The following IQCJ variants were observed in gnomAD, a reference collection of about 807,000 sequenced individuals.
IQCJ encodes IQ motif containing J.
IQCJ carries 9 observed loss-of-function variants against 11.0 expected under a neutral mutation model. The observed-to-expected ratio is 0.82, with a 90% confidence interval of 0.49 to 1.43. IQCJ has a LOEUF of 1.43. IQCJ is among the 40% of genes most tolerant of loss of function. IQCJ has a pLI of 0.00. For synonymous variants in IQCJ, 55 were observed against 51.3 expected (o/e 1.07, Z -0.31); for missense variants, 146 against 133.2 (o/e 1.10, Z -0.47).
At chr3:159,141,376 C>A (rs554149788) in intron 1 of IQCJ, among the ~76,000 whole-genome samples, 15 of 152,148 alleles carry the variant, frequency 9.9e-5, no homozygotes, top group African/African-American at 3.1e-4. Flanking sequence ...ACCCAGTAGG[C>A]TGTATTAAGG....
intron 1 of IQCJ, among the ~76,000 whole-genome samples, chr3:159,223,992 T>G (rs1725696783): frequency 6.6e-6 from 1 of 152,042 alleles, no homozygotes; most frequent in Admixed American, 6.6e-5. Flanking sequence ...GTCCCAAGCA[T>G]TTCAGATAAT....
rs1728337139 is a variant in IQCJ, at chr3:159,263,537, C to A, written c.*806C>A. ...ATTTAAGCATTGTGATAATTTGTAA[C>A]CAGTCACTGAAATGCTGAAAAGTTA... On this transcript the variant is annotated 3_prime_UTR_variant, in exon 4 of 4. Transcript: ENST00000397832. 1.0e-6 allele frequency: 1 copy of A among 984,972 alleles called. No homozygotes were observed. Among genetic ancestry groups the A allele is most frequent in the East Asian group, 1.1e-4 (1 of 8,812 alleles). 61.0% of individuals were successfully genotyped at this position (984,972 alleles called of 1,614,324 possible). A position where few individuals can be genotyped will look rare whatever the true frequency, so the allele number is the denominator to read the frequency against.
intron 1 of IQCJ, among the ~76,000 whole-genome samples, chr3:159,188,267 G>A (rs946141081): frequency 7.9e-5 from 12 of 151,950 alleles, no homozygotes; most frequent in Admixed American, 6.6e-5. Flanking sequence ...AAAATTAGCC[G>A]GGTGTGGTGG....
At position 159,089,270 on chromosome 3, in the gene IQCJ, C is replaced by T. The variant is rs546097589; in HGVS notation, c.9+19829C>T. Among the ~76,000 whole-genome samples the T allele has an allele frequency of 5.3e-5, 8 of 152,260 alleles. No individual in the cohort carries two copies. The South Asian group carries it at 6.2e-4, about 12-fold the overall frequency. ...GCCCCCACTCTCTTCTGGCTTGTAG[C>T]GTTTCTGCCGAAAGATCCGCTGTTA... On this transcript the variant is annotated intron_variant, in intron 1 of 3. Transcript: ENST00000397832.
intron 2 of IQCJ, among the ~76,000 whole-genome samples, chr3:159,249,277 T>C (rs893112092): frequency 3.3e-5 from 5 of 152,214 alleles, no homozygotes; most frequent in Non-Finnish European, 7.3e-5. Flanking sequence ...CTCAGGAAGA[T>C]ATTTGAAAAT....
intron 1 of IQCJ, among the ~76,000 whole-genome samples, chr3:159,175,839 A>G (rs1268685551): frequency 6.6e-6 from 1 of 152,168 alleles, no homozygotes; most frequent in Non-Finnish European, 1.5e-5. Context: ...TTAGAGCTGG[A>G]ACTACTAAGT....
chr3:159,259,645 T>G (rs2621306), intron 3 of IQCJ, among the ~76,000 whole-genome samples: 74,989 of 152,010 alleles, frequency 0.49, 19,047 homozygotes, highest in Non-Finnish European at 0.56. Context: ...AAGGTCATGT[T>G]GTAGGAATCG....
chr3:159,194,878 C>T (rs897553474), intron 1 of IQCJ, among the ~76,000 whole-genome samples: 5 of 151,902 alleles, frequency 3.3e-5, no homozygotes, highest in East Asian at 1.9e-4. Flanking sequence ...TTTGGGAGGC[C>T]GAAGTGGGCA....
chr3:159,260,278 TGTA>T, intron 3 of IQCJ, among the ~76,000 whole-genome samples: 1 of 152,278 alleles, frequency 6.6e-6, no homozygotes, highest in East Asian at 1.9e-4. Context: ...CAAGCTAAAA[TGTA>T]GTATCTCAAA....
chr3:159,071,327 G>A (rs978877684), intron 1 of IQCJ, among the ~76,000 whole-genome samples: 3 of 151,914 alleles, frequency 2.0e-5, no homozygotes, highest in Non-Finnish European at 4.4e-5. Context: ...ATTGTTCTGT[G>A]TGTAACTGAT....
At chr3:159,096,398 T>C (rs1443402898) in intron 1 of IQCJ, among the ~76,000 whole-genome samples, 6 of 147,086 alleles carry the variant, frequency 4.1e-5, no homozygotes, top group East Asian at 2.0e-4. Context: ...TTTTGTCTTT[T>C]GTTGCCATTG....
At chr3:159,239,959 G>A (rs1264844475) in intron 1 of IQCJ, among the ~76,000 whole-genome samples, 2 of 152,146 alleles carry the variant, frequency 1.3e-5, no homozygotes. Context: ...ACACAATGAT[G>A]AAATCTCCTA....
chr3:159,104,445 A>G (rs192921621), intron 1 of IQCJ, among the ~76,000 whole-genome samples: 1 of 152,322 alleles, frequency 6.6e-6, no homozygotes, highest in East Asian at 1.9e-4. Context: ...GTGTAAGTGT[A>G]ATTGTATGTG....
intron 3 of IQCJ, among the ~76,000 whole-genome samples, chr3:159,256,219 A>G (rs1297345915): frequency 6.6e-6 from 1 of 152,234 alleles, no homozygotes; most frequent in Non-Finnish European, 1.5e-5. Context: ...ATGGAACAAC[A>G]TAGAGATGTA....
chr3:159,224,027 T>G (rs1279290108), intron 1 of IQCJ, among the ~76,000 whole-genome samples: 1 of 151,876 alleles, frequency 6.6e-6, no homozygotes, highest in East Asian at 1.9e-4. Context: ...TAATGATCAT[T>G]TATACACCCC....
intron 1 of IQCJ, among the ~76,000 whole-genome samples, chr3:159,196,730 A>G (rs73877548): frequency 0.1 from 15,227 of 152,142 alleles, 2,573 homozygotes; most frequent in African/African-American, 0.35. Flanking sequence ...AAGCAGACAC[A>G]TTATTAATTC....
At chr3:159,105,345 C>A (rs533307396) in intron 1 of IQCJ, among the ~76,000 whole-genome samples, 20 of 152,218 alleles carry the variant, frequency 1.3e-4, no homozygotes, top group African/African-American at 4.6e-4. Flanking sequence ...GGATATCTAC[C>A]ATTGCTTTGT....
chr3:159,201,877 C>T (rs1724367444), intron 1 of IQCJ, among the ~76,000 whole-genome samples: 1 of 152,020 alleles, frequency 6.6e-6, no homozygotes, highest in African/African-American at 2.4e-5. Context: ...ATTTATTGGG[C>T]ACTTTGGTGC....
chr3:159,135,348 T>C (rs894458646), intron 1 of IQCJ, among the ~76,000 whole-genome samples: 1 of 152,114 alleles, frequency 6.6e-6, no homozygotes, highest in Non-Finnish European at 1.5e-5. Flanking sequence ...GCACTGAAGG[T>C]TGTAGTGACT....
Sources: gnomAD v4.1 joint callset for allele counts (sites outside exome capture counted in the v4.1 genomes callset) on GRCh38, gnomAD v4.1.1 for gene constraint, MANE v1.5 for transcripts, NCBI Gene and HGNC (gene_info 2026-07-23, HGNC 2026-07-21) for gene names.